Variants in FGF1 observed in about 807,000 individuals in gnomAD.
The protein encoded by FGF1 is beta-endothelial cell growth factor.
Under a neutral mutation model 13.4 loss-of-function variants are expected in FGF1, and 9 were observed. The observed-to-expected ratio is 0.67, with a 90% CI of 0.40 to 1.17. The LOEUF is 1.17. Among genes scored for constraint, FGF1 ranks in the 50% most tolerant of loss-of-function variants. The pLI, the probability that FGF1 is intolerant of heterozygous loss-of-function variation, is 0.01. For missense variants in FGF1, 156 were observed against 192.7 expected, an observed-to-expected ratio of 0.81 and a Z score of 1.13; for synonymous variants, 93 against 79.0, an observed-to-expected ratio of 1.18 and a Z score of -0.94.
At chr5:142,641,148 T>A (rs188379673) in intron 1 of FGF1, among the ~76,000 whole-genome samples, 1 of 152,138 alleles carries the variant, frequency 6.6e-6, no homozygotes, top group African/African-American at 2.4e-5. Context: ...CCAGTGGAGA[T>A]TGGCCAGGAT....
At chr5:142,633,889 T>C (rs76703890) in intron 1 of FGF1, among the ~76,000 whole-genome samples, 335 of 152,194 alleles carry the variant, frequency 2.2e-3, no homozygotes, top group African/African-American at 7.7e-3. Flanking sequence ...CTCTGTTGAA[T>C]CAAGACCTCC....
chr5:142,679,243 C>T (rs1773253063), intron 1 of FGF1, among the ~76,000 whole-genome samples: 2 of 152,148 alleles, frequency 1.3e-5, no homozygotes. Flanking sequence ...TCCTCCCGCT[C>T]CTTGGTGATG....
At chr5:142,613,263 C>T (rs932137917) in intron 2 of FGF1, among the ~76,000 whole-genome samples, 1 of 152,214 alleles carries the variant, frequency 6.6e-6, no homozygotes, top group African/African-American at 2.4e-5. Context: ...CTTAGATAGT[C>T]AAGAAGATTC....
At chr5:142,691,793 T>C (rs1216970566) in intron 2 of FGF1, among the ~76,000 whole-genome samples, 1 of 152,228 alleles carries the variant, frequency 6.6e-6, no homozygotes, top group Admixed American at 6.5e-5. Flanking sequence ...CTACCAGTCT[T>C]GACGATGCCT....
chr5:142,599,810 C>A (rs1756092806), intron 3 of FGF1, among the ~76,000 whole-genome samples: 1 of 151,868 alleles, frequency 6.6e-6, no homozygotes, highest in Non-Finnish European at 1.5e-5. Context: ...ATTTTAGCTA[C>A]TGAAGAAACA....
chr5:142,672,445 A>G (rs1771658086), intron 1 of FGF1, among the ~76,000 whole-genome samples: 2 of 150,888 alleles, frequency 1.3e-5, no homozygotes, highest in South Asian at 4.2e-4. Context: ...CAAATTACTC[A>G]CATCCCTGCT....
intron 1 of FGF1, among the ~76,000 whole-genome samples, chr5:142,651,157 G>T (rs998866765): frequency 6.6e-6 from 1 of 151,920 alleles, no homozygotes; most frequent in Non-Finnish European, 1.5e-5. Context: ...AGGGGCACCT[G>T]GTATCTTTCC....
chr5:142,639,603 A>T (rs577582670), intron 1 of FGF1, among the ~76,000 whole-genome samples: 1 of 152,104 alleles, frequency 6.6e-6, no homozygotes, highest in South Asian at 2.1e-4. Context: ...GTTAAAGGGT[A>T]CAAGGTTTCA....
At chr5:142,658,205 A>G (rs1214766026) in intron 1 of FGF1, among the ~76,000 whole-genome samples, 1 of 152,190 alleles carries the variant, frequency 6.6e-6, no homozygotes, top group Non-Finnish European at 1.5e-5. Context: ...GGCATCTCCA[A>G]ATGATTCTAC....
At chr5:142,640,088 A>G (rs1270472816) in intron 1 of FGF1, among the ~76,000 whole-genome samples, 1 of 151,954 alleles carries the variant, frequency 6.6e-6, no homozygotes, top group East Asian at 1.9e-4. Context: ...GGAATGAATC[A>G]TATGTATTTT....
chr5:142,676,214 A>G (rs1173958839), intron 1 of FGF1, among the ~76,000 whole-genome samples: 1 of 152,190 alleles, frequency 6.6e-6, no homozygotes, highest in Non-Finnish European at 1.5e-5. Context: ...GTACATTCTC[A>G]TGAAGACTTC....
At chr5:142,685,803 A>C (rs1751035934) in intron 1 of FGF1, 154 bp downstream of exon 1, 2 of 152,232 alleles carry the variant, frequency 1.3e-5, no homozygotes. Flanking sequence ...TCCTGGTTCC[A>C]GTGCTATCTG....
intron 1 of FGF1, among the ~76,000 whole-genome samples, chr5:142,665,323 TG>T (rs1770097119): frequency 6.6e-6 from 1 of 151,734 alleles, no homozygotes; most frequent in South Asian, 2.1e-4. Context: ...TCCTCCGTTC[TG>T]GGTGGGGCTT....
chr5:142,674,234 T>C (rs1219018795), intron 1 of FGF1, among the ~76,000 whole-genome samples: 1 of 152,234 alleles, frequency 6.6e-6, no homozygotes, highest in Non-Finnish European at 1.5e-5. Flanking sequence ...GTTTATTTCT[T>C]TGTTGGCCTA....
At position 142,650,320 on chromosome 5, in the gene FGF1, G is replaced by C. The variant is rs180831939; in HGVS notation, c.-35+35637C>G. Among the ~76,000 whole-genome samples, 5 of 152,198 alleles carry C rather than the reference G, an allele frequency of 3.3e-5. No individual in the cohort carries two copies. The East Asian group carries it at 9.6e-4, about 29-fold the overall frequency. On this transcript the variant is annotated intron_variant, in intron 1 of 3. Transcript: ENST00000337706. The stretch of plus-strand genomic sequence containing the variant: ...CCATGACATTTATCAAGATAACATT[G>C]CAAAAGGTTCAGAAAGACAGTCAAG...
intron 1 of FGF1, among the ~76,000 whole-genome samples, chr5:142,615,947 G>A (rs79195063): frequency 0.017 from 2,530 of 152,264 alleles, 71 homozygotes; most frequent in African/African-American, 0.057. Flanking sequence ...CCAAAGGTTG[G>A]CTAGTCTCCA....
At chr5:142,660,607 C>T (rs1345316407) in intron 1 of FGF1, among the ~76,000 whole-genome samples, 3 of 152,234 alleles carry the variant, frequency 2.0e-5, no homozygotes, top group Admixed American at 2.0e-4. Flanking sequence ...CTTCTGATCA[C>T]ACCCATTCAG....
At chr5:142,655,854 C>A (rs1345732508) in intron 1 of FGF1, among the ~76,000 whole-genome samples, 1 of 152,180 alleles carries the variant, frequency 6.6e-6, no homozygotes, top group Non-Finnish European at 1.5e-5. Flanking sequence ...CAGGGGAGCC[C>A]GCAGCCAGAA....
chr5:142,595,308 C>A lies in FGF1; in HGVS notation c.450G>T (p.Leu150=), dbSNP rs554308959. Residue 150 remains leucine, a synonymous_variant, in exon 4 of 4, where the codon CTG becomes CTT. Coordinates refer to ENST00000337706, the MANE Select transcript of FGF1 (RefSeq NM_000800.5). ...YGQKAILFLP[L]PVSSD ...GATCTCTTTAATCAGAAGAGACTGG[C>A]AGGGGGAGAAACAAGATTGCTTTCT... 7.4e-6 allele frequency: 12 copies of A among 1,613,646 alleles called. No individual in the cohort carries two copies. In the South Asian group the frequency reaches 9.9e-5, roughly 13 times the overall value.
Sources: gnomAD v4.1 joint callset for allele counts (sites outside exome capture counted in the v4.1 genomes callset) on GRCh38, gnomAD v4.1.1 for gene constraint, MANE v1.5 for transcripts, NCBI Gene and HGNC (gene_info 2026-07-23, HGNC 2026-07-21) for gene names.